The following BPTF variants were observed in gnomAD, a reference collection of about 807,000 sequenced individuals.
BPTF encodes nucleosome-remodeling factor subunit BPTF.
A neutral mutation model predicts 292.5 loss-of-function variants in BPTF; 18 were observed. The ratio of observed to expected loss-of-function variants is 0.06; its 90% confidence interval spans 0.04 to 0.09. BPTF has a LOEUF of 0.09. BPTF is among the 10% of genes least tolerant of loss of function. The probability of loss-of-function intolerance (pLI) is 1.00; values close to 1 mark genes in which losing one functional copy is unlikely to be tolerated. For synonymous variants in BPTF, 1,225 were observed against 1,251.9 expected (o/e 0.98, Z 0.45); for missense variants, 2,726 against 3,498.7 (o/e 0.78, Z 5.57).
chr17:67,946,466 CA>C, intron 21 of BPTF, 141 bp downstream of exon 21: 325 of 1,254,610 alleles, frequency 2.6e-4, no homozygotes, highest in Non-Finnish European at 3.1e-4. Context: ...CTGAATTGAC[CA>C]AAAAAAATAC....
chr17:67,976,145 T>A, intron 27 of BPTF, 187 bp downstream of exon 27: 1 of 470,886 alleles, frequency 2.1e-6, no homozygotes, highest in South Asian at 5.2e-5. Flanking sequence ...AATTGCTGGG[T>A]TTGTTGTTGA....
In BPTF at chr17:67,843,754, C is replaced by CTTTTTTTTT. The variant is rs56335701; in HGVS notation, c.614-10166_614-10158dup. On this transcript the variant is annotated intron_variant, in intron 1 of 27. Coordinates refer to ENST00000306378, the MANE Select transcript of BPTF (RefSeq NM_182641.4). ...TTTTTAAATTGTCTGGAGCAGTTGTCTTTTTTTTTTTTTTTTTTTTTTTTT... is the reference window on the plus strand; with the variant it reads ...TTTTTAAATTGTCTGGAGCAGTTGTCTTTTTTTTTTTTTTTTTTTTTTTTTTTTTTTTTT... Among the ~76,000 whole-genome samples the CTTTTTTTTT allele has an allele frequency of 9.6e-5, 6 of 62,224 alleles. 1 individual carries two copies. Among genetic ancestry groups the CTTTTTTTTT allele is most frequent in the African/African-American group, 4.2e-4 (5 of 11,922 alleles). 40.8% of individuals were successfully genotyped at this position (62,224 alleles called of 152,430 possible).
Position 67,913,141 on chromosome 17 carries a change from A to G in BPTF, c.5257A>G (p.Ile1753Val). ...TTACAATGCAAAACCTGCTTTGGAT[A>G]TATGGCCATATCCTTCTCCTAGACC... is the stretch of plus-strand genomic sequence containing the variant. ...FNYNAKPALD[I>V]WPYPSPRPTF... Residue 1753 changes from isoleucine (I) to valine (V), a missense_variant, in exon 11 of 28, where the codon ATA becomes GTA. Ile to Val is a conservative substitution (Grantham distance 29). Coordinates refer to ENST00000306378, the MANE Select transcript of BPTF (RefSeq NM_182641.4). The G allele has an allele frequency of 6.2e-7, 1 of 1,613,922 alleles. No individual in the cohort carries two copies. The highest frequency in any genetic ancestry group is 1.7e-4 in the Middle Eastern group (1 of 6,060).
At chr17:67,843,498 A>C (rs2057743127) in intron 1 of BPTF, among the ~76,000 whole-genome samples, 1 of 149,696 alleles carries the variant, frequency 6.7e-6, no homozygotes, top group South Asian at 2.1e-4. Context: ...ACCTGGCCTT[A>C]CATGAGACTT....
At chr17:67,968,238 G>C (rs2068348023) in intron 26 of BPTF, among the ~76,000 whole-genome samples, 1 of 151,080 alleles carries the variant, frequency 6.6e-6, no homozygotes, top group Non-Finnish European at 1.5e-5. Context: ...AGAAGAGTTT[G>C]TGTTTCATGG....
chr17:67,964,133 A>C (rs1439708258), intron 24 of BPTF, 79 bp from the exon 25 acceptor site: 3 of 1,452,498 alleles, frequency 2.1e-6, no homozygotes, highest in Non-Finnish European at 1.9e-6. Context: ...GGGTTTAGCA[A>C]ATTTTCAGGT....
At chr17:67,889,014 C>T (rs2060929404) in intron 4 of BPTF, among the ~76,000 whole-genome samples, 1 of 152,168 alleles carries the variant, frequency 6.6e-6, no homozygotes, top group Non-Finnish European at 1.5e-5. Context: ...GAACACCCTC[C>T]ACTTCCTCAG....
At chr17:67,859,563 A>AT (rs1356509995) in intron 2 of BPTF, among the ~76,000 whole-genome samples, 3 of 152,194 alleles carry the variant, frequency 2.0e-5, no homozygotes, top group East Asian at 3.9e-4. Flanking sequence ...AGAACCTGGA[A>AT]TTTTTTTTAG....
At chr17:67,945,145 C>T (rs2147929160) in intron 20 of BPTF, among the ~76,000 whole-genome samples, 1 of 152,302 alleles carries the variant, frequency 6.6e-6, no homozygotes, top group African/African-American at 2.4e-5. Context: ...AAGCAATCCT[C>T]CCACCTCAGC....
intron 2 of BPTF, among the ~76,000 whole-genome samples, chr17:67,858,497 A>G (rs1272561395): frequency 2.0e-5 from 3 of 150,424 alleles, no homozygotes; most frequent in East Asian, 1.9e-4. Context: ...GGAGGTTGCA[A>G]TGAGCCGAGA....
intron 3 of BPTF, among the ~76,000 whole-genome samples, chr17:67,870,001 CAAAA>C (rs59327152): frequency 1.7e-5 from 1 of 59,190 alleles, no homozygotes; most frequent in Non-Finnish European, 3.4e-5. Context: ...GACTCCGTCT[CAAAA>C]AAAAAAAAAA....
In BPTF at chr17:67,915,112, A is replaced by T. The variant is rs1232425855; in HGVS notation, c.5303+1925A>T. On this transcript the variant is annotated intron_variant, in intron 11 of 27. Transcript: ENST00000306378. ...TGGTTAGGAGTTAAGAATGCCAAAG[A>T]TGCATGTATGATCTTTGTTATTAAT... Among the ~76,000 whole-genome samples the T allele has an allele frequency of 2.0e-5, 3 of 152,170 alleles. No individual in the cohort carries two copies. The East Asian group carries it at 5.8e-4, about 29-fold the overall frequency.
intron 4 of BPTF, among the ~76,000 whole-genome samples, chr17:67,876,675 A>G (rs1167855076): frequency 6.6e-6 from 1 of 152,048 alleles, no homozygotes; most frequent in Non-Finnish European, 1.5e-5. Flanking sequence ...ACATGATATC[A>G]TGCGCCTGTA....
chr17:67,886,966 T>C (rs1013956361), intron 4 of BPTF, among the ~76,000 whole-genome samples: 3 of 152,238 alleles, frequency 2.0e-5, no homozygotes, highest in African/African-American at 7.2e-5. Flanking sequence ...TATATCTTTG[T>C]GTACTTGTGC....
intron 27 of BPTF, among the ~76,000 whole-genome samples, chr17:67,979,497 C>A (rs2070049578): frequency 6.7e-6 from 1 of 149,560 alleles, no homozygotes; most frequent in African/African-American, 2.5e-5. Flanking sequence ...TGCACCAAGA[C>A]CGCGCCACTG....
At chr17:67,933,087 T>A (rs2064553128) in intron 18 of BPTF, among the ~76,000 whole-genome samples, 1 of 151,814 alleles carries the variant, frequency 6.6e-6, no homozygotes, top group Non-Finnish European at 1.5e-5. Context: ...ACCCTATCTC[T>A]ACTAAAAATA....
intron 26 of BPTF, among the ~76,000 whole-genome samples, chr17:67,973,401 A>G (rs1289312832): frequency 6.6e-6 from 1 of 152,028 alleles, no homozygotes; most frequent in Non-Finnish European, 1.5e-5. Flanking sequence ...TATATATAAC[A>G]AAATTTGCCA....
At position 67,925,657 on chromosome 17, in the gene BPTF, G is replaced by A. The variant is rs376007577; in HGVS notation, c.5751+1068G>A. Reference sequence around the variant, plus strand: ...CAGTATATAAACATTGAGGATACAAGTGAGTAGATATATCTATATACAGTA... The same window carrying A: ...CAGTATATAAACATTGAGGATACAAATGAGTAGATATATCTATATACAGTA... On this transcript the variant is annotated intron_variant, in intron 15 of 27. Transcript: ENST00000306378. Among the ~76,000 whole-genome samples, 5 of 152,136 alleles carry A rather than the reference G, an allele frequency of 3.3e-5. No homozygotes were observed. The East Asian group carries it at 5.8e-4, about 18-fold the overall frequency.
chr17:67,866,784 A>G (rs1598331818), intron 3 of BPTF, 97 bp downstream of exon 3: 2 of 923,440 alleles, frequency 2.2e-6, no homozygotes, highest in South Asian at 3.2e-5. Flanking sequence ...AAAATTTTCA[A>G]GTACAGTCGT....
Sources: allele counts gnomAD v4.1 joint callset (sites outside exome capture counted in the v4.1 genomes callset), GRCh38; gene constraint gnomAD v4.1.1; transcripts MANE v1.5; gene names NCBI Gene and HGNC (gene_info 2026-07-23, HGNC 2026-07-21).